The following GPC6 variants were observed in gnomAD, a reference collection of about 807,000 sequenced individuals.
The protein encoded by GPC6 is glypican-6.
Under a neutral mutation model 55.2 loss-of-function variants are expected in GPC6, and 14 were observed. The observed-to-expected ratio is 0.25, with a 90% CI of 0.17 to 0.40. GPC6 has a LOEUF of 0.40. Among genes scored for constraint, GPC6 ranks in the 10% least tolerant of loss-of-function variants. The pLI, the probability that GPC6 is intolerant of heterozygous loss-of-function variation, is 1.00. For missense variants in GPC6, 641 were observed against 708.5 expected (o/e 0.90, Z 1.08); for synonymous variants, 278 against 259.6 (o/e 1.07, Z -0.68).
intron 2 of GPC6, among the ~76,000 whole-genome samples, chr13:93,684,652 T>C (rs1477587799): frequency 1.3e-5 from 2 of 152,206 alleles, no homozygotes; most frequent in Admixed American, 6.5e-5. Context: ...TATTTTATTT[T>C]ATTTTTTTCA....
At chr13:93,924,801 G>C (rs1278685615) in intron 3 of GPC6, among the ~76,000 whole-genome samples, 2 of 149,438 alleles carry the variant, frequency 1.3e-5, no homozygotes, top group African/African-American at 2.5e-5. Context: ...CATTAGTTAA[G>C]TTATGATGTC....
chr13:94,326,740 G>A (rs1230686702), intron 6 of GPC6, among the ~76,000 whole-genome samples: 2 of 152,222 alleles, frequency 1.3e-5, no homozygotes. Flanking sequence ...CACAGAAAAT[G>A]TGCTGGAAAC....
intron 1 of GPC6, among the ~76,000 whole-genome samples, chr13:93,444,008 GACC>G (rs1877902567): frequency 1.3e-5 from 2 of 152,134 alleles, no homozygotes; most frequent in Admixed American, 6.5e-5. Context: ...TTTATTCCAT[GACC>G]ATAGAGAATC....
At chr13:93,724,144 G>T (rs1883546786) in intron 2 of GPC6, among the ~76,000 whole-genome samples, 1 of 151,634 alleles carries the variant, frequency 6.6e-6, no homozygotes, top group African/African-American at 2.4e-5. Context: ...TTTTACCGAT[G>T]GTACTGGCCA....
intron 4 of GPC6, among the ~76,000 whole-genome samples, chr13:94,261,720 A>G (rs1891663191): frequency 6.6e-6 from 1 of 152,232 alleles, no homozygotes; most frequent in African/African-American, 2.4e-5. Context: ...GAGCCCCATC[A>G]TGACACACAG....
chr13:94,286,261 C>A, intron 4 of GPC6, 88 bp from the exon 5 acceptor site: 1 of 1,377,428 alleles, frequency 7.3e-7, no homozygotes, highest in African/African-American at 1.4e-5. Context: ...CATTATTTTT[C>A]ATCCAGTTGT....
chr13:93,959,528 C>T (rs1044298248), intron 3 of GPC6, among the ~76,000 whole-genome samples: 1 of 152,126 alleles, frequency 6.6e-6, no homozygotes, highest in Admixed American at 6.5e-5. Flanking sequence ...ACTACTATGT[C>T]GAACAGAAGT....
chr13:93,960,304 G>A (rs964101503), intron 3 of GPC6, among the ~76,000 whole-genome samples: 2 of 152,180 alleles, frequency 1.3e-5, no homozygotes, highest in African/African-American at 4.8e-5. Context: ...TTCCAGGATA[G>A]GTTTGACTCA....
intron 1 of GPC6, among the ~76,000 whole-genome samples, chr13:93,412,461 G>T (rs1876541386): frequency 6.6e-6 from 1 of 152,104 alleles, no homozygotes; most frequent in Non-Finnish European, 1.5e-5. Context: ...TTCGAGACCA[G>T]CCTGGCCAAT....
At position 94,271,382 on chromosome 13, in the gene GPC6, G is replaced by GCGCGCGCA. The variant is rs1491286473; in HGVS notation, c.878-14966_878-14965insGCGCGCAC. On this transcript the variant is annotated intron_variant, in intron 4 of 8. Transcript: ENST00000377047. The stretch of plus-strand genomic sequence containing the variant: ...CACACACACACGCGCGCGCGCGCGC[G>GCGCGCGCA]CACACACACACACACACACACACAC... Among the ~76,000 whole-genome samples, 149 of 126,738 alleles carry GCGCGCGCA rather than the reference G, an allele frequency of 1.2e-3. 2 individuals are homozygous for GCGCGCGCA. The highest frequency in any genetic ancestry group is 3.1e-3 in the East Asian group (14 of 4,496). The allele number at this position is 126,738 out of a possible 152,430, so 83.1% of individuals were successfully genotyped here.
intron 2 of GPC6, among the ~76,000 whole-genome samples, chr13:93,774,896 G>T (rs1242169299): frequency 6.6e-6 from 1 of 152,104 alleles, no homozygotes; most frequent in African/African-American, 2.4e-5. Context: ...GGGGCTTCAG[G>T]AAAGTCTTCT....
At chr13:93,542,296 C>A (rs1882346203) in intron 1 of GPC6, among the ~76,000 whole-genome samples, 1 of 152,148 alleles carries the variant, frequency 6.6e-6, no homozygotes. Context: ...TTCCCCATTG[C>A]TTGTTTTTCT....
At chr13:93,994,907 C>T (rs1042951300) in intron 3 of GPC6, among the ~76,000 whole-genome samples, 3 of 152,034 alleles carry the variant, frequency 2.0e-5, no homozygotes, top group Admixed American at 2.0e-4. Context: ...TAGTCTGTGC[C>T]CAGGCAAACC....
chr13:94,147,553 G>A (rs777194222), intron 4 of GPC6, among the ~76,000 whole-genome samples: 1 of 152,168 alleles, frequency 6.6e-6, no homozygotes, highest in South Asian at 2.1e-4. Context: ...CTTAAAATAA[G>A]CATAAACTGT....
chr13:93,589,948 C>T (rs1417697332), intron 2 of GPC6, among the ~76,000 whole-genome samples: 4 of 152,178 alleles, frequency 2.6e-5, no homozygotes, highest in African/African-American at 9.7e-5. Flanking sequence ...CAGTATTCTT[C>T]TGTGAAATGG....
At chr13:93,234,531 A>G (rs942219511) in intron 1 of GPC6, among the ~76,000 whole-genome samples, 1 of 152,172 alleles carries the variant, frequency 6.6e-6, no homozygotes, top group East Asian at 1.9e-4. Context: ...CAGGAAAAGG[A>G]GGAGAGGCTA....
intron 6 of GPC6, among the ~76,000 whole-genome samples, chr13:94,341,349 C>G (rs960706071): frequency 1.2e-4 from 19 of 152,108 alleles, no homozygotes; most frequent in African/African-American, 4.3e-4. Flanking sequence ...CTTTGGGATA[C>G]CAAAGCAGGC....
intron 2 of GPC6, among the ~76,000 whole-genome samples, chr13:93,706,334 C>T (rs1443666394): frequency 6.6e-6 from 1 of 151,832 alleles, no homozygotes; most frequent in East Asian, 1.9e-4. Flanking sequence ...CAATTTTTAA[C>T]CAGTTATACC....
At chr13:94,101,350 T>C (rs562212504) in intron 4 of GPC6, among the ~76,000 whole-genome samples, 1 of 152,314 alleles carries the variant, frequency 6.6e-6, no homozygotes, top group Middle Eastern at 3.4e-3. Context: ...GTCATACTCA[T>C]CTGAAAAATG....
Sources: allele counts gnomAD v4.1 joint callset (sites outside exome capture counted in the v4.1 genomes callset), GRCh38; gene constraint gnomAD v4.1.1; transcripts MANE v1.5; gene names NCBI Gene and HGNC (gene_info 2026-07-23, HGNC 2026-07-21).